The following GBF1 variants were observed in gnomAD, a reference collection of about 807,000 sequenced individuals.
The protein encoded by GBF1 is Golgi-specific brefeldin A-resistance guanine nucleotide exchange factor 1.
GBF1 carries 114 observed loss-of-function variants against 210.5 expected under a neutral mutation model. The observed-to-expected ratio is 0.54, with a 90% CI of 0.47 to 0.63. The LOEUF (loss-of-function observed/expected upper bound fraction) is 0.63, where lower values mean the gene tolerates loss of function less well. GBF1 is among the 30% of genes least tolerant of loss of function. The pLI is 0.00. For missense variants in GBF1, 1,851 were observed against 2,357.7 expected, an observed-to-expected ratio of 0.79 and a Z score of 4.45; for synonymous variants, 850 against 889.2, an observed-to-expected ratio of 0.96 and a Z score of 0.78.
At chr10:102,311,307 A>G (rs1039693224) in intron 3 of GBF1, among the ~76,000 whole-genome samples, 1 of 152,218 alleles carries the variant, frequency 6.6e-6, no homozygotes, top group Non-Finnish European at 1.5e-5. Context: ...GAGCCTTAAG[A>G]AAGGCTAACG....
rs767779642 is a variant in GBF1 at position 102,351,318 on chromosome 10, C to T, written c.358C>T (p.Arg120Cys). Residue 120 changes from arginine (R) to cysteine (C), a missense_variant, in exon 5 of 40, where the codon CGT (arginine) becomes TGT (cysteine). Arg to Cys is a radical substitution (Grantham distance 180). Around this residue, in one of 3 missense-constraint regions of GBF1, gnomAD observed 804 missense variants for 958.6 expected, o/e 0.84. Transcript: ENST00000369983. ...CATGGCAGATGCTGTCACCCATGCT[C>T]GTTTTGTGGGCACGGATCCTGCCAG... Reference protein sequence around the residue: ...ENMADAVTHARFVGTDPASDE... With the variant: ...ENMADAVTHACFVGTDPASDE... 5 of 1,612,270 alleles carry T rather than the reference C, an allele frequency of 3.1e-6. No homozygotes were observed. Among genetic ancestry groups the T allele is most frequent in the South Asian group, 2.2e-5 (2 of 91,058 alleles).
the GBF1 span, among the ~76,000 whole-genome samples, chr10:102,233,893 G>A: frequency 6.6e-6 from 1 of 152,130 alleles, no homozygotes; most frequent in Non-Finnish European, 1.5e-5. Context: ...CCCCCGCAGG[G>A]TCCCCTTTTC....
At chr10:102,288,273 A>C (rs1344438447) in intron 3 of GBF1, among the ~76,000 whole-genome samples, 2 of 152,172 alleles carry the variant, frequency 1.3e-5, no homozygotes, top group Non-Finnish European at 2.9e-5. Context: ...ATTTGGTGCA[A>C]ATGAACTAGA....
chr10:102,360,284 G>A lies in GBF1; in HGVS notation c.1281G>A (p.Met427Ile). The stretch of plus-strand genomic sequence containing the variant: ...ACGACCGCCATAACTCAGAGGTTAT[G>A]ATTCACATGGGACTGCATTTGCTGA... Reference protein sequence around the residue: ...NPHDRHNSEVMIHMGLHLLTV... With the variant: ...NPHDRHNSEVIIHMGLHLLTV... The change falls in exon 12 of 40, where the codon ATG becomes ATA. Residue 427 changes from methionine to isoleucine, a missense_variant. This residue lies in a region of GBF1 where 804 missense variants were observed against 958.6 expected (regional missense o/e 0.84). Coordinates refer to ENST00000369983, the MANE Select transcript of GBF1 (RefSeq NM_001377137.1). 6.2e-7 allele frequency: 1 copy of A among 1,613,858 alleles called. No homozygotes were observed. The highest frequency in any genetic ancestry group is 8.5e-7 in the Non-Finnish European group (1 of 1,179,788).
At chr10:102,325,615 A>G (rs980629932) in intron 3 of GBF1, among the ~76,000 whole-genome samples, 4 of 151,180 alleles carry the variant, frequency 2.6e-5, no homozygotes, top group Non-Finnish European at 5.9e-5. Context: ...TGCCCGTCTC[A>G]TACTGGAACC....
In GBF1 at chr10:102,288,838, C is replaced by T. The variant is rs117669653; in HGVS notation, c.163+28722C>T. On this transcript the variant is annotated intron_variant, in intron 3 of 39. Coordinates refer to ENST00000369983, the MANE Select transcript of GBF1 (RefSeq NM_001377137.1). ...GGAGTTGGCCGCATGTGGTGGCTCA[C>T]GCCTGTAATTGCAGCATTTTGGAAC... Among the ~76,000 whole-genome samples the T allele has an allele frequency of 1.9e-3, 294 of 151,696 alleles. 4 individuals are homozygous for T. The East Asian group carries it at 0.042, about 22-fold the overall frequency.
intron 11 of GBF1, among the ~76,000 whole-genome samples, chr10:102,359,784 T>C (rs1207690158): frequency 1.3e-5 from 2 of 151,362 alleles, no homozygotes; most frequent in Non-Finnish European, 3.0e-5. Flanking sequence ...TTTCCTTTTT[T>C]TTTTTTTTTC....
At chr10:102,335,527 C>A (rs934919740) in intron 3 of GBF1, among the ~76,000 whole-genome samples, 6 of 152,208 alleles carry the variant, frequency 3.9e-5, no homozygotes, top group African/African-American at 1.4e-4. Context: ...CCAGGCTGAA[C>A]CGTGAGATAG....
chr10:102,245,798 C>T lies in GBF1; in HGVS notation c.-11+17C>T, dbSNP rs1013948124. ...CGCTGACAGGTCAGCGAAGTCTCTT[C>T]CTAGAGTTCCGGTGTCGTGAAGGCC... On this transcript the variant is annotated intron_variant, in intron 1 of 39. Transcript: ENST00000369983. The T allele has an allele frequency of 6.6e-6, 1 of 152,190 alleles. No homozygotes were observed. Among genetic ancestry groups the T allele is most frequent in the Non-Finnish European group, 1.5e-5 (1 of 68,072 alleles). The allele number at this position is 152,190 out of a possible 1,614,324, so 9.4% of individuals were successfully genotyped here. A position where few individuals can be genotyped will look rare whatever the true frequency, so the allele number is the denominator to read the frequency against.
intron 3 of GBF1, among the ~76,000 whole-genome samples, chr10:102,288,819 G>T (rs2076201156): frequency 6.6e-6 from 1 of 150,618 alleles, no homozygotes; most frequent in Non-Finnish European, 1.5e-5. Context: ...CTTAGGAGTT[G>T]GCCGCATGTG....
intron 3 of GBF1, among the ~76,000 whole-genome samples, chr10:102,292,486 C>T (rs967867867): frequency 1.3e-5 from 2 of 152,176 alleles, no homozygotes; most frequent in Non-Finnish European, 1.5e-5. Context: ...GCTTCAGCCT[C>T]TCCAATAGCT....
chr10:102,255,416 G>A (rs1028790828), intron 1 of GBF1, among the ~76,000 whole-genome samples: 8 of 152,088 alleles, frequency 5.3e-5, no homozygotes, highest in African/African-American at 1.9e-4. Context: ...CTTTTCTAAA[G>A]GGCTTATTCA....
At chr10:102,271,365 G>C (rs1252998235) in intron 3 of GBF1, among the ~76,000 whole-genome samples, 1 of 151,968 alleles carries the variant, frequency 6.6e-6, no homozygotes, top group Non-Finnish European at 1.5e-5. Context: ...AAAATTTTTT[G>C]TAGAGACAGG....
In GBF1 at chr10:102,358,559, G is replaced by A. The variant is rs1318101067; in HGVS notation, c.841G>A (p.Ala281Thr). ...PTPISSASSE[A>T]ASAVVSPSTD... ...TCCCATCTCCTCTGCAAGTTCAGAA[G>A]CTGCCTCAGCAGTGGTCAGTCCCTC... The change falls in exon 10 of 40, where the codon GCT becomes ACT. Residue 281 changes from alanine to threonine, a missense_variant. Ala to Thr is a moderately conservative substitution (Grantham distance 58). This residue lies in a region of GBF1 where 804 missense variants were observed against 958.6 expected (regional missense o/e 0.84). Coordinates refer to ENST00000369983, the MANE Select transcript of GBF1 (RefSeq NM_001377137.1). The A allele has an allele frequency of 6.2e-7, 1 of 1,613,976 alleles. No individual in the cohort carries two copies. Among genetic ancestry groups the A allele is most frequent in the East Asian group, 2.2e-5 (1 of 44,904 alleles).
Position 102,351,374 on chromosome 10 carries a change from G to C in GBF1, c.414G>C (p.Gln138His), listed in dbSNP as rs1354920627. Residue 138 changes from glutamine (Q) to histidine (H), a missense_variant and splice_region_variant, in exon 5 of 40, where the codon CAG becomes CAC. Physicochemically the swap from Gln to His is conservative, Grantham distance 24 (BLOSUM62 0). This residue lies in a region of GBF1 where 804 missense variants were observed against 958.6 expected (regional missense o/e 0.84). Transcript: ENST00000369983. ...AAGTTGTCCTGATGAAAATCCTTCA[G>C]GTAAGCGAGAGGGAAATAGCAATTA... is the stretch of plus-strand genomic sequence containing the variant. ...SDEVVLMKIL[Q>H]VLRTLLLTPV... 3.3e-6 allele frequency: 5 copies of C among 1,520,696 alleles called. No individual in the cohort carries two copies. The highest frequency in any genetic ancestry group is 4.6e-6 in the Non-Finnish European group (5 of 1,094,856). 94.2% of individuals were successfully genotyped at this position (1,520,696 alleles called of 1,614,324 possible).
rs183235135 is a variant in GBF1, at chr10:102,371,077, A to G, written c.3660+217A>G. 3.0e-3 allele frequency among the ~76,000 whole-genome samples: 450 copies of G among 152,280 alleles called. 5 individuals are homozygous for G. Among genetic ancestry groups the G allele is most frequent in the South Asian group, 8.7e-3 (42 of 4,826 alleles). On this transcript the variant is annotated intron_variant, in intron 29 of 39. Transcript: ENST00000369983. ...CTTGTGTTTGGCACCTCAGCCTCCT[A>G]TGAATCTGCTTTGTAGGACTGGCCT...
intron 3 of GBF1, among the ~76,000 whole-genome samples, chr10:102,271,918 A>G (rs1014302419): frequency 6.6e-6 from 1 of 150,930 alleles, no homozygotes; most frequent in Non-Finnish European, 1.5e-5. Context: ...TGCCCAGCCA[A>G]TTTTTTGTAT....
chr10:102,369,469 G>A, intron 24 of GBF1, 82 bp downstream of exon 24: 1 of 1,177,076 alleles, frequency 8.5e-7, no homozygotes, highest in South Asian at 1.4e-5. Context: ...GAAGTAAGTG[G>A]TTGAGAGTAA....
At chr10:102,321,864 C>T (rs1458717384) in intron 3 of GBF1, among the ~76,000 whole-genome samples, 1 of 151,526 alleles carries the variant, frequency 6.6e-6, no homozygotes, top group East Asian at 2.0e-4. Context: ...CTGCACCCAG[C>T]CTGTTTGTTT....
Sources: allele counts gnomAD v4.1 joint callset (sites outside exome capture counted in the v4.1 genomes callset), GRCh38; gene constraint gnomAD v4.1.1; regional missense constraint gnomAD v4.1.1; transcripts MANE v1.5; gene names NCBI Gene and HGNC (gene_info 2026-07-23, HGNC 2026-07-21).